Variants in CTNNA3 observed in about 807,000 individuals in gnomAD.
CTNNA3 encodes the protein catenin alpha-3.
A neutral mutation model predicts 95.7 loss-of-function variants in CTNNA3; 76 were observed. That is an observed-to-expected ratio of 0.79 (90% CI 0.66 to 0.96). The LOEUF (loss-of-function observed/expected upper bound fraction) is 0.96. CTNNA3 is among the 40% of genes least tolerant of loss of function. The probability of loss-of-function intolerance (pLI) is 0.00; values close to 1 mark genes in which losing one functional copy is unlikely to be tolerated. For missense variants in CTNNA3, 1,191 were observed against 1,089.8 expected, an observed-to-expected ratio of 1.09 and a Z score of -1.31; for synonymous variants, 431 against 374.4, an observed-to-expected ratio of 1.15 and a Z score of -1.74.
intron 1 of CTNNA3, among the ~76,000 whole-genome samples, chr10:67,727,330 A>G (rs1211725424): frequency 7.5e-6 from 1 of 132,512 alleles, no homozygotes; most frequent in Non-Finnish European, 1.6e-5. Flanking sequence ...ATATATTTAT[A>G]TATTATTGTA....
chr10:67,380,956 A>G (rs2132730459), intron 5 of CTNNA3, among the ~76,000 whole-genome samples: 1 of 152,294 alleles, frequency 6.6e-6, no homozygotes, highest in South Asian at 2.1e-4. Flanking sequence ...TAAAACCTCA[A>G]GGGCTTCAGG....
chr10:66,046,335 G>T (rs1232538823), intron 15 of CTNNA3, among the ~76,000 whole-genome samples: 1 of 152,166 alleles, frequency 6.6e-6, no homozygotes, highest in Admixed American at 6.5e-5. Flanking sequence ...AAGAGCAGCT[G>T]CTCAGCCATA....
At chr10:66,975,551 G>A (rs568945466) in intron 7 of CTNNA3, among the ~76,000 whole-genome samples, 218 of 152,194 alleles carry the variant, frequency 1.4e-3, no homozygotes, top group Middle Eastern at 0.014. Context: ...ATTGGGAAGC[G>A]GTCTGTCTTT....
chr10:66,317,648 G>C (rs776943338), intron 12 of CTNNA3, among the ~76,000 whole-genome samples: 1 of 151,652 alleles, frequency 6.6e-6, no homozygotes, highest in Non-Finnish European at 1.5e-5. Flanking sequence ...ACTCCAGCCT[G>C]GGTGACAGTG....
At chr10:66,182,031 C>T (rs1292741200) in intron 13 of CTNNA3, among the ~76,000 whole-genome samples, 2 of 152,006 alleles carry the variant, frequency 1.3e-5, no homozygotes, top group African/African-American at 2.4e-5. Flanking sequence ...TATGATAATC[C>T]ACAAACCAAT....
At chr10:66,308,298 C>CT (rs2132249876) in intron 12 of CTNNA3, among the ~76,000 whole-genome samples, 1 of 152,196 alleles carries the variant, frequency 6.6e-6, no homozygotes, top group East Asian at 1.9e-4. Context: ...TTAGGTTTAA[C>CT]TTTTTCTCTT....
chr10:67,108,847 T>A (rs1858781016), intron 7 of CTNNA3, among the ~76,000 whole-genome samples: 1 of 152,154 alleles, frequency 6.6e-6, no homozygotes, highest in Admixed American at 6.5e-5. Flanking sequence ...CTAGTATATA[T>A]GTCAAATAAA....
intron 15 of CTNNA3, among the ~76,000 whole-genome samples, chr10:66,049,595 C>T (rs2079905694): frequency 6.6e-6 from 1 of 152,070 alleles, no homozygotes; most frequent in Non-Finnish European, 1.5e-5. Context: ...ATACATAATA[C>T]GTCATACTAT....
chr10:67,342,082 A>T (rs1422351009), intron 5 of CTNNA3, among the ~76,000 whole-genome samples: 4 of 124,438 alleles, frequency 3.2e-5, no homozygotes, highest in Non-Finnish European at 3.6e-5. Flanking sequence ...TATTCTTTTA[A>T]TTTATTTATT....
chr10:66,072,519 A>T (rs1011989079), intron 14 of CTNNA3, among the ~76,000 whole-genome samples: 3 of 152,082 alleles, frequency 2.0e-5, no homozygotes, highest in African/African-American at 7.2e-5. Context: ...ATCTCAGCTC[A>T]CTGCCACCTC....
chr10:66,917,203 T>C (rs1232369841), intron 7 of CTNNA3, among the ~76,000 whole-genome samples: 1 of 152,162 alleles, frequency 6.6e-6, no homozygotes, highest in African/African-American at 2.4e-5. Context: ...AATAAACAAG[T>C]TAATTTTATT....
intron 11 of CTNNA3, among the ~76,000 whole-genome samples, chr10:66,435,022 TG>T (rs1219571146): frequency 1.3e-5 from 2 of 152,126 alleles, no homozygotes; most frequent in Non-Finnish European, 2.9e-5. Flanking sequence ...ATAAGCTTTT[TG>T]ATGTGCTGCT....
At chr10:67,178,980 G>A (rs1039995218) in intron 7 of CTNNA3, among the ~76,000 whole-genome samples, 4 of 152,050 alleles carry the variant, frequency 2.6e-5, no homozygotes, top group African/African-American at 9.7e-5. Context: ...TTATCGACAG[G>A]TGAGAGATTT....
intron 10 of CTNNA3, among the ~76,000 whole-genome samples, chr10:66,564,704 C>T (rs61231706): frequency 0.019 from 2,850 of 152,150 alleles, 95 homozygotes; most frequent in African/African-American, 0.064. Flanking sequence ...ACCAAAAGTG[C>T]CTTTTCCTTG....
At chr10:67,230,013 A>C (rs1455921378) in intron 5 of CTNNA3, among the ~76,000 whole-genome samples, 2 of 152,198 alleles carry the variant, frequency 1.3e-5, no homozygotes, top group Non-Finnish European at 2.9e-5. Flanking sequence ...TGCATAGCCA[A>C]AGCAAGACTA....
At chr10:67,214,739 T>C (rs2132251372) in intron 6 of CTNNA3, among the ~76,000 whole-genome samples, 1 of 152,122 alleles carries the variant, frequency 6.6e-6, no homozygotes, top group South Asian at 2.1e-4. Flanking sequence ...AGGTTAACAG[T>C]TATTTTCTCT....
intron 5 of CTNNA3, among the ~76,000 whole-genome samples, chr10:67,299,057 C>T (rs1447117800): frequency 4.6e-5 from 7 of 152,092 alleles, no homozygotes; most frequent in Admixed American, 1.3e-4. Flanking sequence ...CACCACCACA[C>T]CCAGCTAATT....
At chr10:67,282,273 AC>A (rs1839430084) in intron 5 of CTNNA3, among the ~76,000 whole-genome samples, 1 of 152,186 alleles carries the variant, frequency 6.6e-6, no homozygotes, top group Non-Finnish European at 1.5e-5. Context: ...TCTTGAACAT[AC>A]AAAAATGTTC....
At chr10:67,619,048 C>G (rs553081337) in intron 2 of CTNNA3, among the ~76,000 whole-genome samples, 128 of 152,184 alleles carry the variant, frequency 8.4e-4, no homozygotes, top group Admixed American at 2.4e-3. Flanking sequence ...CAATATTGAA[C>G]CTTCCATAAC....
Sources: gnomAD v4.1 joint callset for allele counts (sites outside exome capture counted in the v4.1 genomes callset) on GRCh38, gnomAD v4.1.1 for gene constraint, MANE v1.5 for transcripts, NCBI Gene and HGNC (gene_info 2026-07-23, HGNC 2026-07-21) for gene names.